Variants in CD1B observed in about 807,000 individuals in gnomAD.
CD1B encodes CD1b molecule.
CD1B carries 43 observed loss-of-function variants against 39.8 expected under a neutral mutation model. That is an observed-to-expected ratio of 1.08 (90% confidence interval 0.85 to 1.39). The LOEUF (loss-of-function observed/expected upper bound fraction) is 1.39. Among genes scored for constraint, CD1B ranks in the 40% most tolerant of loss-of-function variants. CD1B has a pLI of 0.00. For missense variants in CD1B, 495 were observed against 403.8 expected (o/e 1.23, Z -1.94); for synonymous variants, 192 against 152.5 (o/e 1.26, Z -1.91).
the CD1B span, among the ~76,000 whole-genome samples, chr1:158,294,944 C>A: frequency 6.6e-6 from 1 of 151,916 alleles, no homozygotes; most frequent in Non-Finnish European, 1.5e-5. Flanking sequence ...TCTCCTTGTG[C>A]CCACTCACCC....
chr1:158,325,496 A>C (rs1488011540), downstream of CD1B, among the ~76,000 whole-genome samples: 1 of 152,232 alleles, frequency 6.6e-6, no homozygotes, highest in East Asian at 1.9e-4. Flanking sequence ...TACATTTTTG[A>C]AAAACATTTA....
At chr1:158,310,691 G>C in the CD1B span, among the ~76,000 whole-genome samples, 1 of 152,096 alleles carries the variant, frequency 6.6e-6, no homozygotes, top group Non-Finnish European at 1.5e-5. Flanking sequence ...CATATACATA[G>C]CCAACAAGCA....
the CD1B span, among the ~76,000 whole-genome samples, chr1:158,299,611 G>T: frequency 1.3e-5 from 2 of 152,160 alleles, no homozygotes; most frequent in Non-Finnish European, 2.9e-5. Flanking sequence ...GAATCCATCT[G>T]GTCCTGGACT....
chr1:158,320,020 C>T, the CD1B span, among the ~76,000 whole-genome samples: 1 of 152,228 alleles, frequency 6.6e-6, no homozygotes, highest in Non-Finnish European at 1.5e-5. Context: ...TCTGCCCGTT[C>T]TCAGATCTCC....
the CD1B span, among the ~76,000 whole-genome samples, chr1:158,290,928 C>T: frequency 6.6e-6 from 1 of 152,020 alleles, no homozygotes; most frequent in Non-Finnish European, 1.5e-5. Context: ...GAATGGTTGC[C>T]ATTTGAGCAT....
rs1557821140 is a variant in CD1B at position 158,329,014 on chromosome 1, C to T, written c.887G>A (p.Arg296Lys). Residue 296 changes from arginine (R) to lysine (K), a missense_variant and splice_region_variant, in exon 5 of 6, where the codon AGA becomes AAA. Arg to Lys is a conservative substitution (Grantham distance 26, BLOSUM62 2). Transcript: ENST00000368168. ...LEGQDIILYW[R>K]NPTSIGSIVL... ...AATTGAGCCAATGGAGGTGGGGTTTCCTGGCAATTGAGAGAGGACAAAAGG... is the reference window on the plus strand; with the variant it reads ...AATTGAGCCAATGGAGGTGGGGTTTTCTGGCAATTGAGAGAGGACAAAAGG... The T allele has an allele frequency of 6.2e-7, 1 of 1,611,564 alleles. No homozygotes were observed.
At chr1:158,327,740 G>C (rs904149384), downstream of CD1B, among the ~76,000 whole-genome samples, 29 of 152,192 alleles carry the variant, frequency 1.9e-4, no homozygotes, top group African/African-American at 6.3e-4. Context: ...CACTAGGAAA[G>C]TCTTCCTGAG....
the CD1B span, among the ~76,000 whole-genome samples, chr1:158,306,645 C>A: frequency 2.6e-5 from 4 of 152,184 alleles, no homozygotes; most frequent in Non-Finnish European, 1.5e-5. Flanking sequence ...CAGCACCACA[C>A]CGCACTTATT....
At chr1:158,308,733 G>A in the CD1B span, among the ~76,000 whole-genome samples, 1 of 152,160 alleles carries the variant, frequency 6.6e-6, no homozygotes, top group Non-Finnish European at 1.5e-5. Flanking sequence ...AATGGGGAAA[G>A]GATTCCCTAT....
Position 158,328,057 on chromosome 1 carries a change from A to G in CD1B, c.*179T>C. 2 of 576,958 alleles carry G rather than the reference A, an allele frequency of 3.5e-6. No individual in the cohort carries two copies. Among genetic ancestry groups the G allele is most frequent in the East Asian group, 2.8e-5 (1 of 35,202 alleles). 35.7% of individuals were successfully genotyped at this position (576,958 alleles called of 1,614,324 possible). On this transcript the variant is annotated 3_prime_UTR_variant, in exon 6 of 6. Coordinates refer to ENST00000368168, the MANE Select transcript of CD1B (RefSeq NM_001764.3). ...CACTGTTAGTACAGTCTCATAATAA[A>G]TTTACAGTTTTAAGTACTTTTTTGC...
the CD1B span, among the ~76,000 whole-genome samples, chr1:158,296,863 C>T: frequency 6.6e-6 from 1 of 152,044 alleles, no homozygotes; most frequent in Non-Finnish European, 1.5e-5. Flanking sequence ...AGCTCAAAGA[C>T]CAGTTCTTCT....
chr1:158,285,495 G>A, the CD1B span, among the ~76,000 whole-genome samples: 1 of 152,122 alleles, frequency 6.6e-6, no homozygotes, highest in Non-Finnish European at 1.5e-5. Context: ...AAGATAGAGA[G>A]GAGACCCAAG....
At chr1:158,307,902 G>A in the CD1B span, among the ~76,000 whole-genome samples, 341 of 152,284 alleles carry the variant, frequency 2.2e-3, 2 homozygotes, top group African/African-American at 8.0e-3. Flanking sequence ...AAACCTGGAA[G>A]CATTCCCTTG....
At chr1:158,289,367 G>T in the CD1B span, among the ~76,000 whole-genome samples, 1 of 152,128 alleles carries the variant, frequency 6.6e-6, no homozygotes, top group Non-Finnish European at 1.5e-5. Flanking sequence ...CTTTATATTT[G>T]TTATGGTCCT....
At chr1:158,289,811 A>G in the CD1B span, 1 of 434,482 alleles carries the variant, frequency 2.3e-6, no homozygotes, top group Non-Finnish European at 4.2e-6. Flanking sequence ...GGAAGTAGAT[A>G]TAATGGAGCT....
chr1:158,316,869 G>A, the CD1B span, among the ~76,000 whole-genome samples: 12 of 151,910 alleles, frequency 7.9e-5, 1 homozygote, highest in African/African-American at 2.4e-4. Context: ...GAGCATGAAG[G>A]GTTGTTGAAT....
chr1:158,312,181 C>G, the CD1B span, among the ~76,000 whole-genome samples: 1 of 152,068 alleles, frequency 6.6e-6, no homozygotes, highest in Non-Finnish European at 1.5e-5. Flanking sequence ...CATCTTGTAG[C>G]CACCATAATT....
the CD1B span, among the ~76,000 whole-genome samples, chr1:158,296,835 C>G: frequency 6.6e-6 from 1 of 152,150 alleles, no homozygotes; most frequent in Non-Finnish European, 1.5e-5. Flanking sequence ...ATAGACCACA[C>G]TGAGGGAAGA....
At chr1:158,325,010 G>A (rs1347646065), downstream of CD1B, among the ~76,000 whole-genome samples, 3 of 152,026 alleles carry the variant, frequency 2.0e-5, no homozygotes, top group Non-Finnish European at 4.4e-5. Flanking sequence ...TTGATCACTT[G>A]TGGAGAATGC....
Sources: gnomAD v4.1 joint callset for allele counts (sites outside exome capture counted in the v4.1 genomes callset) on GRCh38, gnomAD v4.1.1 for gene constraint, MANE v1.5 for transcripts, NCBI Gene and HGNC (gene_info 2026-07-23, HGNC 2026-07-21) for gene names.